FGF14: variants seen among roughly 807,000 people sequenced by gnomAD.
FGF14 encodes the protein fibroblast growth factor 14.
In FGF14, 5 loss-of-function variants were observed where a neutral mutation model predicts 25.5. That is an observed-to-expected ratio of 0.20 (90% CI 0.10 to 0.41). The LOEUF is 0.41. Ranked by LOEUF, FGF14 falls within the 10% of genes least tolerant of loss-of-function variation. The pLI, the probability that FGF14 is intolerant of heterozygous loss-of-function variation, is 1.00. For missense variants in FGF14, 222 were observed against 320.1 expected, an observed-to-expected ratio of 0.69 and a Z score of 2.34; for synonymous variants, 138 against 118.3, an observed-to-expected ratio of 1.17 and a Z score of -1.08.
intron 1 of FGF14, among the ~76,000 whole-genome samples, chr13:101,953,026 C>CTTGG (rs2036272941): frequency 7.4e-6 from 1 of 136,048 alleles, no homozygotes; most frequent in African/African-American, 3.2e-5. Context: ...AAGAGTGAGA[C>CTTGG]TCCATCTCTA....
rs1296589221 is a variant in FGF14 at position 101,985,069 on chromosome 13, G to T, written c.209-109773C>A. Among the ~76,000 whole-genome samples, 7 of 118,246 alleles carry T rather than the reference G, an allele frequency of 5.9e-5. No individual in the cohort carries two copies. The East Asian group carries it at 2.1e-3, about 36-fold the overall frequency. The allele number at this position is 118,246 out of a possible 152,430, so 77.6% of individuals were successfully genotyped here. On this transcript the variant is annotated intron_variant, in intron 1 of 4. Transcript: ENST00000376131. ...TAAAGACCTGGCCATGAATTCAAGG[G>T]TTTTTTTTTTGTTTTTTTTTTTTTT...
chr13:101,956,332 A>T (rs1351007930), intron 1 of FGF14, among the ~76,000 whole-genome samples: 1 of 152,232 alleles, frequency 6.6e-6, no homozygotes, highest in Admixed American at 6.5e-5. Flanking sequence ...GCGTATTATC[A>T]TGTAACTCCT....
intron 1 of FGF14, among the ~76,000 whole-genome samples, chr13:101,987,173 A>C (rs2139649375): frequency 6.6e-6 from 1 of 152,148 alleles, no homozygotes; most frequent in East Asian, 1.9e-4. Flanking sequence ...CAAGGTTCAG[A>C]TTATATCACA....
chr13:101,807,381 C>T (rs1430139304), intron 3 of FGF14, among the ~76,000 whole-genome samples: 1 of 151,974 alleles, frequency 6.6e-6, no homozygotes, highest in Admixed American at 6.6e-5. Context: ...GCTCAATGGC[C>T]CTATAACATT....
chr13:102,023,306 C>CA (rs2040764810), intron 1 of FGF14, among the ~76,000 whole-genome samples: 1 of 151,998 alleles, frequency 6.6e-6, no homozygotes, highest in Non-Finnish European at 1.5e-5. Context: ...CCATTTACTC[C>CA]ACTGTGCTAC....
At chr13:102,326,723 GA>G (rs2056455178) in intron 1 of FGF14, among the ~76,000 whole-genome samples, 2 of 103,270 alleles carry the variant, frequency 1.9e-5, no homozygotes, top group Admixed American at 8.7e-5. Context: ...AGGAAGGAAG[GA>G]AGGAAGGAAG....
At chr13:102,068,474 G>A (rs532260081) in intron 1 of FGF14, among the ~76,000 whole-genome samples, 1 of 152,354 alleles carries the variant, frequency 6.6e-6, no homozygotes, top group South Asian at 2.1e-4. Flanking sequence ...AGGTGTGGAG[G>A]GAGAGGCGCG....
At chr13:101,849,184 A>G (rs2043618916) in intron 3 of FGF14, among the ~76,000 whole-genome samples, 1 of 152,048 alleles carries the variant, frequency 6.6e-6, no homozygotes, top group South Asian at 2.1e-4. Flanking sequence ...TACTTTTAAC[A>G]AATTGCAGCT....
chr13:102,067,471 T>C (rs1289702624), intron 1 of FGF14, among the ~76,000 whole-genome samples: 1 of 151,850 alleles, frequency 6.6e-6, no homozygotes, highest in Non-Finnish European at 1.5e-5. Flanking sequence ...CAACTCCTAA[T>C]TGGGTGATTG....
At chr13:102,019,437 C>G (rs1456690592) in intron 1 of FGF14, among the ~76,000 whole-genome samples, 1 of 152,130 alleles carries the variant, frequency 6.6e-6, no homozygotes, top group Non-Finnish European at 1.5e-5. Flanking sequence ...ATCTCCAGTG[C>G]TAGCCTTGTG....
intron 3 of FGF14, among the ~76,000 whole-genome samples, chr13:101,818,758 T>G (rs763888415): frequency 5.9e-5 from 9 of 152,172 alleles, no homozygotes; most frequent in Non-Finnish European, 1.2e-4. Context: ...TAACTTAAGA[T>G]AAACAAAGGT....
intron 1 of FGF14, among the ~76,000 whole-genome samples, chr13:101,969,289 T>C (rs116336522): frequency 0.011 from 1,700 of 152,220 alleles, 37 homozygotes; most frequent in African/African-American, 0.037. Context: ...CTAGGCTGGG[T>C]GCAGTGGCTC....
chr13:101,751,041 G>C (rs71441524), intron 3 of FGF14, among the ~76,000 whole-genome samples: 1 of 152,030 alleles, frequency 6.6e-6, no homozygotes, highest in Non-Finnish European at 1.5e-5. Context: ...GGGGAGGGTG[G>C]AGAGAGGGAG....
chr13:102,379,448 ATG>A (rs1455669934), intron 1 of FGF14, among the ~76,000 whole-genome samples: 1 of 151,626 alleles, frequency 6.6e-6, no homozygotes, highest in Non-Finnish European at 1.5e-5. Flanking sequence ...ATATATGTGT[ATG>A]TATATATATA....
chr13:102,349,125 C>T (rs1033126603), intron 1 of FGF14, among the ~76,000 whole-genome samples: 1 of 152,208 alleles, frequency 6.6e-6, no homozygotes, highest in Admixed American at 6.5e-5. Context: ...CGGCAATTCA[C>T]AGGAAAGCTC....
chr13:102,269,474 G>A (rs1054843243), intron 1 of FGF14, among the ~76,000 whole-genome samples: 1 of 152,228 alleles, frequency 6.6e-6, no homozygotes, highest in Admixed American at 6.5e-5. Context: ...TTATTCAGAT[G>A]TAAGTAGGGA....
At chr13:101,915,929 CCTT>C (rs1190421669) in intron 1 of FGF14, among the ~76,000 whole-genome samples, 1 of 152,216 alleles carries the variant, frequency 6.6e-6, no homozygotes, top group Non-Finnish European at 1.5e-5. Flanking sequence ...ACCCTCCACT[CCTT>C]CTACAGCAGC....
chr13:102,169,280 G>A (rs1042133836), intron 1 of FGF14, among the ~76,000 whole-genome samples: 2 of 151,906 alleles, frequency 1.3e-5, no homozygotes, highest in African/African-American at 2.4e-5. Context: ...AAAAGCTCTC[G>A]ATTTCCACGC....
rs1356525805 is a variant in FGF14, at chr13:101,814,901, T to C, written c.408+53824A>G. Among the ~76,000 whole-genome samples, 3 of 152,326 alleles carry C rather than the reference T, an allele frequency of 2.0e-5. No homozygotes were observed. In the East Asian group the frequency reaches 5.8e-4, roughly 29 times the overall value. ...ATTTCCACGATAGTTTTGAAAAGTA[T>C]TAATTGGCAGTCAGATTTACAAGTA... On this transcript the variant is annotated intron_variant, in intron 3 of 4. Coordinates refer to ENST00000376143, the MANE Select transcript of FGF14 (RefSeq NM_004115.4).
Sources: allele counts gnomAD v4.1 joint callset (sites outside exome capture counted in the v4.1 genomes callset), GRCh38; gene constraint gnomAD v4.1.1; transcripts MANE v1.5; gene names NCBI Gene and HGNC (gene_info 2026-07-23, HGNC 2026-07-21).